The following CDH11 variants were observed in gnomAD, a reference collection of about 807,000 sequenced individuals.
The protein encoded by CDH11 is cadherin 11, also known as cadherin-11.
CDH11 carries 11 observed loss-of-function variants against 67.8 expected under a neutral mutation model. The observed-to-expected ratio is 0.16, with a 90% confidence interval of 0.10 to 0.27. CDH11 has a LOEUF of 0.27. Among genes scored for constraint, CDH11 ranks in the 10% least tolerant of loss-of-function variants. CDH11 has a pLI of 1.00. For synonymous variants in CDH11, 419 were observed against 400.0 expected (o/e 1.05, Z -0.57); for missense variants, 847 against 1,031.2 (o/e 0.82, Z 2.45).
At chr16:64,987,682 G>A (rs909003) in intron 7 of CDH11, 69,392 of 152,238 alleles carry the variant, frequency 0.46, 16,770 homozygotes, top group East Asian at 0.79. Flanking sequence ...GCTTCTCCAG[G>A]TTCACTTGAG....
chr16:64,965,121 G>A (rs1261747138), intron 11 of CDH11, among the ~76,000 whole-genome samples: 1 of 149,066 alleles, frequency 6.7e-6, no homozygotes, highest in African/African-American at 2.5e-5. Context: ...CACTTTGGGA[G>A]GCTGAGGCAG....
At position 65,027,098 on chromosome 16, in the gene CDH11, C is replaced by T. The variant is rs529501510; in HGVS notation, c.-172-22057G>A. ...CACCCAAGACAATTAAGTCCAGGCC[C>T]AGAGTCATTCCCTGATAGAAAGAGC... On this transcript the variant is annotated intron_variant, in intron 2 of 12. Transcript: ENST00000268603. 7.2e-5 allele frequency among the ~76,000 whole-genome samples: 11 copies of T among 152,254 alleles called. No individual in the cohort carries two copies. The South Asian group carries it at 1.9e-3, about 26-fold the overall frequency.
intron 2 of CDH11, among the ~76,000 whole-genome samples, chr16:65,044,759 G>C (rs895429527): frequency 6.6e-6 from 1 of 152,146 alleles, no homozygotes; most frequent in African/African-American, 2.4e-5. Context: ...AGGCTTCTGG[G>C]AGTTGGGCCT....
rs528663604 is a variant in CDH11, at chr16:64,953,802, T to C, written c.1643-2784A>G. ...ATGATCTGAAATGTCCATGTCATCA[T>C]GGATAAAAATGAATGTTAAAAATTT... On this transcript the variant is annotated intron_variant, in intron 11 of 12. Transcript: ENST00000268603. Among the ~76,000 whole-genome samples, 12 of 152,320 alleles carry C rather than the reference T, an allele frequency of 7.9e-5. No individual in the cohort carries two copies. In the South Asian group the frequency reaches 1.2e-3, roughly 16 times the overall value.
intron 1 of CDH11, among the ~76,000 whole-genome samples, chr16:65,109,873 A>ATGTT (rs146439648): frequency 0.019 from 2,876 of 151,774 alleles, 58 homozygotes; most frequent in African/African-American, 0.049. Flanking sequence ...GGACTATTCA[A>ATGTT]TGTTTGTTTG....
At chr16:65,023,813 A>G (rs771309992) in intron 2 of CDH11, among the ~76,000 whole-genome samples, 3 of 152,178 alleles carry the variant, frequency 2.0e-5, no homozygotes, top group African/African-American at 2.4e-5. Flanking sequence ...GGATGACCAG[A>G]GTTCGCTTTC....
chr16:64,965,488 T>C (rs1448968078), intron 11 of CDH11, among the ~76,000 whole-genome samples: 1 of 152,156 alleles, frequency 6.6e-6, no homozygotes, highest in Non-Finnish European at 1.5e-5. Context: ...CCACATCTTG[T>C]CTCACTGTAG....
intron 1 of CDH11, chr16:65,118,793 A>G (rs2075282757): frequency 6.6e-6 from 1 of 152,240 alleles, no homozygotes; most frequent in African/African-American, 2.4e-5. Flanking sequence ...TTTTATTATT[A>G]TTGAATGAGT....
chr16:64,956,834 T>G (rs542711403), intron 11 of CDH11, among the ~76,000 whole-genome samples: 43 of 152,202 alleles, frequency 2.8e-4, no homozygotes, highest in African/African-American at 9.9e-4. Flanking sequence ...AGTTGGGGAA[T>G]ACCAATATAG....
intron 11 of CDH11, among the ~76,000 whole-genome samples, chr16:64,963,325 G>C (rs1187091506): frequency 6.6e-6 from 1 of 152,084 alleles, no homozygotes; most frequent in Admixed American, 6.6e-5. Flanking sequence ...CCTTCAAAGG[G>C]CTCCTTAGTA....
At chr16:64,968,785 A>G (rs189462388) in intron 11 of CDH11, among the ~76,000 whole-genome samples, 10 of 152,292 alleles carry the variant, frequency 6.6e-5, no homozygotes, top group African/African-American at 1.9e-4. Flanking sequence ...CATGTTTTCT[A>G]TGGAAAGCAG....
At chr16:65,055,314 C>T (rs1023969347) in intron 1 of CDH11, among the ~76,000 whole-genome samples, 22 of 152,290 alleles carry the variant, frequency 1.4e-4, no homozygotes, top group South Asian at 1.2e-3. Context: ...GCAGAAGTGA[C>T]ACTCTGAGAA....
At chr16:65,051,214 G>T (rs1488677449) in intron 2 of CDH11, among the ~76,000 whole-genome samples, 1 of 152,172 alleles carries the variant, frequency 6.6e-6, no homozygotes, top group Non-Finnish European at 1.5e-5. Flanking sequence ...ACCAGACAAT[G>T]AGAGAAAGAG....
rs915601514 is a variant in CDH11, at chr16:65,014,533, C to T, written c.-172-9492G>A. ...GCAAGAGCTTACTGGCCACGTGGGG[C>T]TAGTGGCCACCATCTAGGCAGCACA... On this transcript the variant is annotated intron_variant, in intron 2 of 12. Transcript: ENST00000268603. Among the ~76,000 whole-genome samples, 4 of 152,110 alleles carry T rather than the reference C, an allele frequency of 2.6e-5. No homozygotes were observed. The East Asian group carries it at 5.8e-4, about 22-fold the overall frequency.
intron 1 of CDH11, among the ~76,000 whole-genome samples, chr16:65,079,330 T>A (rs958315328): frequency 4.6e-5 from 7 of 152,284 alleles, no homozygotes; most frequent in African/African-American, 1.7e-4. Flanking sequence ...TTTAAATGCA[T>A]TTTTTTCTAT....
chr16:65,004,541 TTC>T, intron 3 of CDH11, 99 bp downstream of exon 3: 2 of 1,247,100 alleles, frequency 1.6e-6, no homozygotes, highest in Non-Finnish European at 2.2e-6. Context: ...CATTGGTGTT[TTC>T]TCTCTTAGAT....
At chr16:65,068,980 GA>G (rs1377433072) in intron 1 of CDH11, among the ~76,000 whole-genome samples, 1 of 152,144 alleles carries the variant, frequency 6.6e-6, no homozygotes, top group Non-Finnish European at 1.5e-5. Flanking sequence ...ATTTCATTAG[GA>G]AAATAGAGCA....
At position 64,950,984 on chromosome 16, in the gene CDH11, C is replaced by G; in HGVS notation, c.1677G>C (p.Gly559=). The G allele has an allele frequency of 6.2e-7, 1 of 1,614,092 alleles. No individual in the cohort carries two copies. Among genetic ancestry groups the G allele is most frequent in the South Asian group, 1.1e-5 (1 of 91,090 alleles). ...NTAGVYARRG[G]FSRQKQDLYL... is the part of the protein sequence containing the mutation. ...ACAAGTCCTGCTTCTGCCGACTGAACCCTCCACGCCGGGCGTACACGCCTG... is the reference window on the plus strand; with the variant it reads ...ACAAGTCCTGCTTCTGCCGACTGAAGCCTCCACGCCGGGCGTACACGCCTG... The change falls in exon 12 of 13, where the codon GGG becomes GGC. Residue 559 remains glycine (G), a synonymous_variant. Coordinates refer to ENST00000268603, the MANE Select transcript of CDH11 (RefSeq NM_001797.4).
intron 1 of CDH11, among the ~76,000 whole-genome samples, chr16:65,100,881 T>G (rs900991709): frequency 2.2e-4 from 33 of 152,146 alleles, no homozygotes; most frequent in African/African-American, 7.5e-4. Context: ...ACAACCACTA[T>G]GTGTAATGAT....
Sources: gnomAD v4.1 joint callset for allele counts (sites outside exome capture counted in the v4.1 genomes callset) on GRCh38, gnomAD v4.1.1 for gene constraint, MANE v1.5 for transcripts, NCBI Gene and HGNC (gene_info 2026-07-23, HGNC 2026-07-21) for gene names.